HDAC2: variants seen among roughly 807,000 people sequenced by gnomAD.
The protein encoded by HDAC2 is histone deacetylase 2, also known as YY1-associated factor 1.
A neutral mutation model predicts 68.5 loss-of-function variants in HDAC2; 5 were observed. The observed-to-expected ratio is 0.07, with a 90% CI of 0.04 to 0.15. The LOEUF is 0.15. HDAC2 is among the 10% of genes least tolerant of loss of function. The probability of loss-of-function intolerance (pLI) is 1.00; values close to 1 mark genes in which losing one functional copy is unlikely to be tolerated. For synonymous variants in HDAC2, 182 were observed against 191.3 expected (o/e 0.95, Z 0.40); for missense variants, 291 against 600.8 (o/e 0.48, Z 5.39).
chr6:113,951,747 G>A (rs1261969352), intron 6 of HDAC2, among the ~76,000 whole-genome samples: 6 of 152,180 alleles, frequency 3.9e-5, no homozygotes, highest in South Asian at 2.1e-4. Flanking sequence ...GATTACAGGC[G>A]TGAGACACCG....
intron 1 of HDAC2, among the ~76,000 whole-genome samples, chr6:113,961,008 G>A (rs763282373): frequency 3.3e-5 from 5 of 152,002 alleles, no homozygotes; most frequent in Non-Finnish European, 5.9e-5. Flanking sequence ...AAAGTGTAAG[G>A]GGAGATATAC....
intron 4 of HDAC2, 78 bp from the exon 5 acceptor site, chr6:113,956,229 T>G (rs1380521878): frequency 8.6e-7 from 1 of 1,166,928 alleles, no homozygotes; most frequent in African/African-American, 1.6e-5. Flanking sequence ...ACACTACAAG[T>G]GTATGCCATG....
Position 113,938,124 on chromosome 6 carries a change from G to C in HDAC2, c.*2934C>G, listed in dbSNP as rs1776047455. 1 of 152,172 alleles carries C rather than the reference G, an allele frequency of 6.6e-6. No individual in the cohort carries two copies. Among genetic ancestry groups the C allele is most frequent in the Admixed American group, 6.5e-5 (1 of 15,280 alleles). The allele number at this position is 152,172 out of a possible 1,614,324, so 9.4% of individuals were successfully genotyped here. On this transcript the variant is annotated 3_prime_UTR_variant, in exon 14 of 14. Coordinates refer to ENST00000519065, the MANE Select transcript of HDAC2 (RefSeq NM_001527.4). ...ATTGCGCCATTGCACACCAGCCTGGGCAACAGCGAGACTCCGTCTCAAAAA... is the reference window on the plus strand; with the variant it reads ...ATTGCGCCATTGCACACCAGCCTGGCCAACAGCGAGACTCCGTCTCAAAAA...
At chr6:113,959,016 T>C (rs540172388) in intron 2 of HDAC2, among the ~76,000 whole-genome samples, 2 of 152,156 alleles carry the variant, frequency 1.3e-5, no homozygotes. Context: ...CTCCTTATTT[T>C]AGTGGAAACA....
intron 5 of HDAC2, among the ~76,000 whole-genome samples, chr6:113,954,240 C>T (rs1450388484): frequency 6.6e-6 from 1 of 152,092 alleles, no homozygotes; most frequent in African/African-American, 2.4e-5. Context: ...TATTAGATGG[C>T]AAAGCATTGT....
rs1775944776 is a variant in HDAC2 at position 113,933,920 on chromosome 6, A to G, written c.*7138T>C. ...TTTAACTTTACATGTTCAAATTAGT[A>G]TAGTTCCTGTCTCCTGACTGAACGC... On this transcript the variant is annotated 3_prime_UTR_variant, in exon 14 of 14. Coordinates refer to ENST00000519065, the MANE Select transcript of HDAC2 (RefSeq NM_001527.4). The G allele has an allele frequency of 6.6e-6, 1 of 152,008 alleles. No individual in the cohort carries two copies. The highest frequency in any genetic ancestry group is 1.5e-5 in the Non-Finnish European group (1 of 67,998). 9.4% of individuals were successfully genotyped at this position (152,008 alleles called of 1,614,324 possible). A position where few individuals can be genotyped will look rare whatever the true frequency, so the allele number is the denominator to read the frequency against.
At chr6:113,953,442 G>A (rs1186591764) in intron 5 of HDAC2, 24 bp from the exon 6 acceptor site, 2 of 1,493,228 alleles carry the variant, frequency 1.3e-6, no homozygotes, top group African/African-American at 1.4e-5. Context: ...CATAAGTTTT[G>A]GTTTTTCCTT....
In HDAC2 at chr6:113,935,664, A is replaced by G. The variant is rs545403342; in HGVS notation, c.*5394T>C. On this transcript the variant is annotated 3_prime_UTR_variant, in exon 14 of 14. Transcript: ENST00000519065. ...AAAATCTCCTATTCAGAATCCTGCT[A>G]CTCATTTTACCTTAGAAATAATTAT... is the stretch of plus-strand genomic sequence containing the variant. 2 of 152,348 alleles carry G rather than the reference A, an allele frequency of 1.3e-5. No individual in the cohort carries two copies. The highest frequency in any genetic ancestry group is 3.9e-4 in the East Asian group (2 of 5,184). The allele number at this position is 152,348 out of a possible 1,614,324, so 9.4% of individuals were successfully genotyped here.
intron 13 of HDAC2, among the ~76,000 whole-genome samples, chr6:113,941,356 A>C (rs1776128712): frequency 6.6e-6 from 1 of 152,096 alleles, no homozygotes; most frequent in Admixed American, 6.5e-5. Flanking sequence ...GTTTTTACTT[A>C]AAATTGTTTC....
At chr6:113,959,849 T>C (rs1776640023) in intron 2 of HDAC2, 57 bp downstream of exon 2, 2 of 757,960 alleles carry the variant, frequency 2.6e-6, no homozygotes, top group Non-Finnish European at 4.6e-6. Context: ...AGTTTCACAG[T>C]AGCTAAAAAA....
At chr6:113,955,331 A>T (rs1776526255) in intron 5 of HDAC2, among the ~76,000 whole-genome samples, 1 of 151,786 alleles carries the variant, frequency 6.6e-6, no homozygotes, top group Admixed American at 6.6e-5. Flanking sequence ...CTCCCACCTC[A>T]GCCTCCTGAG....
At chr6:113,959,054 T>C (rs1188932074) in intron 2 of HDAC2, among the ~76,000 whole-genome samples, 2 of 152,112 alleles carry the variant, frequency 1.3e-5, no homozygotes, top group Non-Finnish European at 2.9e-5. Flanking sequence ...AATCCATATG[T>C]TCATAAACTC....
chr6:113,944,331 G>C lies in HDAC2; in HGVS notation c.1171C>G (p.His391Asp). Residue 391 changes from histidine (H) to aspartate (D), a missense_variant, in exon 11 of 14, where the codon CAT (histidine) becomes GAT (aspartate). This residue lies in a region of HDAC2 where 137 missense variants were observed against 128.7 expected (regional missense o/e 1.06). Coordinates refer to ENST00000519065, the MANE Select transcript of HDAC2 (RefSeq NM_001527.4). ...CCATCTTCATCTCCACTGTCTTCAT[G>C]AACAGCATCTTCTGGAATAGCTTGC... is the stretch of plus-strand genomic sequence containing the variant. ...QMQAIPEDAV[H>D]EDSGDEDGED... The C allele has an allele frequency of 6.2e-7, 1 of 1,612,800 alleles. No homozygotes were observed. Among genetic ancestry groups the C allele is most frequent in the Non-Finnish European group, 8.5e-7 (1 of 1,178,844 alleles).
At chr6:113,944,484 T>A in intron 10 of HDAC2, 74 bp from the exon 11 acceptor site, 5 of 1,333,822 alleles carry the variant, frequency 3.7e-6, no homozygotes, top group African/African-American at 1.5e-5. Flanking sequence ...AGAAAATATT[T>A]AGCAAAAAAT....
chr6:113,968,724 A>C (rs1432609635), intron 1 of HDAC2: 1 of 152,230 alleles, frequency 6.6e-6, no homozygotes, highest in East Asian at 1.9e-4. Context: ...ATTAAGTCAC[A>C]ATCACAAGAC....
At chr6:113,965,166 C>T (rs1776783191) in intron 1 of HDAC2, among the ~76,000 whole-genome samples, 1 of 152,176 alleles carries the variant, frequency 6.6e-6, no homozygotes, top group African/African-American at 2.4e-5. Flanking sequence ...TGCAGTCCCA[C>T]TTTTTACTGC....
chr6:113,951,612 C>T (rs555981669), intron 6 of HDAC2, among the ~76,000 whole-genome samples: 30 of 151,974 alleles, frequency 2.0e-4, no homozygotes, highest in Admixed American at 5.2e-4. Context: ...GGACTACAAG[C>T]GCCCACCACC....
intron 1 of HDAC2, among the ~76,000 whole-genome samples, chr6:113,962,631 T>C (rs960726410): frequency 5.9e-5 from 9 of 152,160 alleles, no homozygotes; most frequent in African/African-American, 2.2e-4. Context: ...GATACATGTA[T>C]ACAGGGCAGC....
rs1562146094 is a variant in HDAC2, at chr6:113,956,171, T to TA, written c.359-21dup. On this transcript the variant is annotated intron_variant, in intron 4 of 13. Coordinates refer to ENST00000519065, the MANE Select transcript of HDAC2 (RefSeq NM_001527.4). ...CTCCAGCTAAGAAGTAGAAACAAGA[T>TA]AGACCTTTTAAACATTTATCATAAA... 6.3e-7 allele frequency: 1 copy of TA among 1,579,542 alleles called. No individual in the cohort carries two copies. Among genetic ancestry groups the TA allele is most frequent in the Non-Finnish European group, 8.6e-7 (1 of 1,166,428 alleles).
Sources: allele counts gnomAD v4.1 joint callset (sites outside exome capture counted in the v4.1 genomes callset), GRCh38; gene constraint gnomAD v4.1.1; regional missense constraint gnomAD v4.1.1; transcripts MANE v1.5; gene names NCBI Gene and HGNC (gene_info 2026-07-23, HGNC 2026-07-21).